The following DDX60L variants were observed in gnomAD, a reference collection of about 807,000 sequenced individuals.
DDX60L encodes the protein DExD/H-box 60 like, also known as probable ATP-dependent RNA helicase DDX60-like.
A neutral mutation model predicts 211.6 loss-of-function variants in DDX60L; 191 were observed. The observed-to-expected ratio is 0.90, with a 90% CI of 0.80 to 1.02. The LOEUF (loss-of-function observed/expected upper bound fraction) is 1.02, where lower values mean the gene tolerates loss of function less well. Ranked by LOEUF, DDX60L falls within the 50% of genes least tolerant of loss-of-function variation. DDX60L has a pLI of 0.00. For synonymous variants in DDX60L, 706 were observed against 694.1 expected (o/e 1.02, Z -0.27); for missense variants, 2,007 against 1,984.1 (o/e 1.01, Z -0.22).
At chr4:168,390,189 C>T in intron 29 of DDX60L, 1 of 1,007,118 alleles carries the variant, frequency 9.9e-7, no homozygotes. Context: ...TCATTGTGGT[C>T]CATAGTAAAT....
intron 22 of DDX60L, among the ~76,000 whole-genome samples, chr4:168,409,923 T>C (rs914402811): frequency 1.3e-5 from 2 of 152,136 alleles, no homozygotes; most frequent in African/African-American, 4.8e-5. Flanking sequence ...ACATTTATTA[T>C]AAAGATGTTG....
At chr4:168,421,290 T>C (rs1750559385) in intron 17 of DDX60L, among the ~76,000 whole-genome samples, 1 of 152,226 alleles carries the variant, frequency 6.6e-6, no homozygotes, top group Non-Finnish European at 1.5e-5. Context: ...GATAGTGAAA[T>C]ATTTTCTAAA....
At chr4:168,452,371 T>A (rs1483205799) in intron 8 of DDX60L, among the ~76,000 whole-genome samples, 1 of 152,326 alleles carries the variant, frequency 6.6e-6, no homozygotes, top group East Asian at 1.9e-4. Context: ...GATCCTAATG[T>A]CCCTTTATAG....
chr4:168,445,699 T>C (rs1298247898), intron 9 of DDX60L, among the ~76,000 whole-genome samples: 1 of 151,380 alleles, frequency 6.6e-6, no homozygotes, highest in East Asian at 1.9e-4. Flanking sequence ...GTGGGCTTCA[T>C]CCCTGGGATG....
intron 35 of DDX60L, among the ~76,000 whole-genome samples, chr4:168,373,238 C>G (rs1316328069): frequency 2.0e-5 from 3 of 152,078 alleles, no homozygotes; most frequent in African/African-American, 4.8e-5. Flanking sequence ...AATCTTCCAG[C>G]ACCCTAATAT....
At chr4:168,443,394 C>T (rs1399037798) in intron 9 of DDX60L, among the ~76,000 whole-genome samples, 2 of 151,960 alleles carry the variant, frequency 1.3e-5, no homozygotes, top group African/African-American at 2.4e-5. Flanking sequence ...ACCAAATCTA[C>T]GTCTGATTGG....
At chr4:168,476,484 A>C (rs915207036) in intron 1 of DDX60L, among the ~76,000 whole-genome samples, 3 of 152,218 alleles carry the variant, frequency 2.0e-5, no homozygotes, top group Non-Finnish European at 1.5e-5. Flanking sequence ...AATTAAAAAG[A>C]ACTGATTATG....
intron 36 of DDX60L, among the ~76,000 whole-genome samples, chr4:168,363,840 G>A (rs909164156): frequency 3.3e-5 from 5 of 152,174 alleles, no homozygotes; most frequent in African/African-American, 1.2e-4. Context: ...AATGGCAGAT[G>A]TAAGTTCTTA....
At chr4:168,475,704 A>G (rs1046403120) in intron 1 of DDX60L, among the ~76,000 whole-genome samples, 1 of 152,116 alleles carries the variant, frequency 6.6e-6, no homozygotes, top group African/African-American at 2.4e-5. Context: ...GTTATATACT[A>G]AATGTTTATG....
intron 9 of DDX60L, among the ~76,000 whole-genome samples, chr4:168,442,718 C>A (rs1172745072): frequency 4.6e-5 from 7 of 151,392 alleles, no homozygotes; most frequent in African/African-American, 1.5e-4. Flanking sequence ...GGTCCCTGAC[C>A]CCTGACCCCC....
intron 10 of DDX60L, among the ~76,000 whole-genome samples, chr4:168,436,999 A>T (rs534848634): frequency 3.1e-4 from 47 of 152,312 alleles, no homozygotes; most frequent in African/African-American, 1.1e-3. Context: ...TCCAGAATAC[A>T]GGAGATCCCT....
chr4:168,457,786 T>C, intron 6 of DDX60L, 106 bp downstream of exon 6: 1 of 571,110 alleles, frequency 1.8e-6, no homozygotes, highest in East Asian at 2.8e-5. Flanking sequence ...ACTAAGGAGG[T>C]ATATGGCACC....
chr4:168,472,574 T>A (rs1403519685), intron 2 of DDX60L, 50 bp from the exon 3 acceptor site: 12 of 1,563,588 alleles, frequency 7.7e-6, no homozygotes, highest in Non-Finnish European at 9.6e-6. Flanking sequence ...CACAGCTATA[T>A]AATTTAGTAA....
chr4:168,397,791 G>C (rs183424479), intron 26 of DDX60L, among the ~76,000 whole-genome samples: 1 of 152,198 alleles, frequency 6.6e-6, no homozygotes, highest in Non-Finnish European at 1.5e-5. Context: ...CCAGGGCTGC[G>C]TGCTCCATGG....
intron 10 of DDX60L, among the ~76,000 whole-genome samples, chr4:168,435,327 T>A (rs1752889521): frequency 6.6e-6 from 1 of 152,128 alleles, no homozygotes; most frequent in Admixed American, 6.5e-5. Flanking sequence ...CTTAGAAAAA[T>A]TGTAAGCCAA....
At chr4:168,426,341 T>A (rs898083137) in intron 14 of DDX60L, among the ~76,000 whole-genome samples, 1 of 152,136 alleles carries the variant, frequency 6.6e-6, no homozygotes, top group Non-Finnish European at 1.5e-5. Flanking sequence ...AATATAACCA[T>A]CATGTATATG....
intron 36 of DDX60L, among the ~76,000 whole-genome samples, chr4:168,370,154 G>A (rs1740756472): frequency 6.6e-6 from 1 of 152,076 alleles, no homozygotes; most frequent in South Asian, 2.1e-4. Context: ...CAATAGCTAT[G>A]ATATGGAATC....
At chr4:168,460,738 C>A (rs1332767684) in intron 5 of DDX60L, among the ~76,000 whole-genome samples, 1 of 152,170 alleles carries the variant, frequency 6.6e-6, no homozygotes, top group African/African-American at 2.4e-5. Context: ...TTAAGGCAGG[C>A]CGCACAGGGT....
At position 168,403,461 on chromosome 4, in the gene DDX60L, T is replaced by C. The variant is rs116177267; in HGVS notation, c.3338+521A>G. On this transcript the variant is annotated intron_variant, in intron 25 of 37. Coordinates refer to ENST00000682922, the MANE Select transcript of DDX60L (RefSeq NM_001012967.3). ...TCTGATTATTAGAGTGGGTCCAGGG[T>C]ACACAGTGTTACCCACTTAATGTGT... 9.6e-3 allele frequency among the ~76,000 whole-genome samples: 1,457 copies of C among 152,360 alleles called. 11 individuals carry two copies. The highest frequency in any genetic ancestry group is 0.027 in the Middle Eastern group (8 of 294).
Sources: gnomAD v4.1 joint callset for allele counts (sites outside exome capture counted in the v4.1 genomes callset) on GRCh38, gnomAD v4.1.1 for gene constraint, MANE v1.5 for transcripts, NCBI Gene and HGNC (gene_info 2026-07-23, HGNC 2026-07-21) for gene names.